SPIDR: variants seen among roughly 807,000 people sequenced by gnomAD.
The protein encoded by SPIDR is scaffold protein involved in DNA repair.
SPIDR carries 93 observed loss-of-function variants against 104.6 expected under a neutral mutation model. The ratio of observed to expected loss-of-function variants is 0.89; its 90% CI spans 0.75 to 1.06. SPIDR has a LOEUF of 1.06. SPIDR is among the 50% of genes least tolerant of loss of function. SPIDR has a pLI of 0.00. For missense variants in SPIDR, 1,154 were observed against 1,111.2 expected (o/e 1.04, Z -0.55); for synonymous variants, 431 against 416.9 (o/e 1.03, Z -0.41).
At chr8:47,484,979 T>G (rs1323495131) in intron 8 of SPIDR, among the ~76,000 whole-genome samples, 1 of 152,172 alleles carries the variant, frequency 6.6e-6, no homozygotes, top group Non-Finnish European at 1.5e-5. Flanking sequence ...TCATCTCACT[T>G]GGGCTTGTCG....
intron 8 of SPIDR, chr8:47,547,328 C>T: frequency 1.9e-6 from 1 of 521,530 alleles, no homozygotes. Flanking sequence ...ATGCCCATGA[C>T]ATCTATGAAT....
intron 8 of SPIDR, among the ~76,000 whole-genome samples, chr8:47,582,326 T>C (rs554583131): frequency 1.3e-5 from 2 of 152,280 alleles, no homozygotes; most frequent in South Asian, 2.1e-4. Flanking sequence ...CTTGATTTAA[T>C]TTGTTGCTAA....
chr8:47,484,965 G>A (rs532638969), intron 8 of SPIDR, among the ~76,000 whole-genome samples: 3 of 152,268 alleles, frequency 2.0e-5, no homozygotes, highest in South Asian at 2.1e-4. Flanking sequence ...CTGAGGTTCC[G>A]GGTTCATCTC....
At chr8:47,294,233 C>A in intron 5 of SPIDR, 2 of 551,944 alleles carry the variant, frequency 3.6e-6, no homozygotes, top group Non-Finnish European at 5.8e-6. Context: ...ATATTGATCT[C>A]ACTTCTCTTT....
intron 5 of SPIDR, among the ~76,000 whole-genome samples, chr8:47,295,732 A>T (rs1243379398): frequency 6.6e-6 from 1 of 152,156 alleles, no homozygotes; most frequent in Non-Finnish European, 1.5e-5. Context: ...AATCTTAGCT[A>T]TTGTGAATAG....
At chr8:47,463,407 G>T (rs1016478959) in intron 8 of SPIDR, among the ~76,000 whole-genome samples, 3 of 151,160 alleles carry the variant, frequency 2.0e-5, no homozygotes, top group Non-Finnish European at 4.4e-5. Context: ...AGAAAGACTC[G>T]CTATCAGATG....
At chr8:47,661,084 G>T (rs2074038804) in intron 10 of SPIDR, 1 of 429,542 alleles carries the variant, frequency 2.3e-6, no homozygotes, top group Non-Finnish European at 3.1e-6. Flanking sequence ...AGTCATGAAA[G>T]TGGGGGTTAT....
Position 47,640,130 on chromosome 8 carries a change from G to T in SPIDR, c.1545-33671G>T, listed in dbSNP as rs1025969783. Among the ~76,000 whole-genome samples the T allele has an allele frequency of 3.3e-5, 5 of 152,308 alleles. No homozygotes were observed. The South Asian group carries it at 1.0e-3, about 32-fold the overall frequency. ...CCAGCTTTCGAACCACTTAGTGTGG[G>T]CTGCAAGCTGAATCAACACACTGGA... On this transcript the variant is annotated intron_variant, in intron 10 of 19. Coordinates refer to ENST00000297423, the MANE Select transcript of SPIDR (RefSeq NM_001080394.4).
chr8:47,435,401 T>C (rs1175805532), intron 7 of SPIDR, among the ~76,000 whole-genome samples: 1 of 152,178 alleles, frequency 6.6e-6, no homozygotes, highest in African/African-American at 2.4e-5. Flanking sequence ...AGCAGTTAGC[T>C]GATTAAATAA....
At chr8:47,538,217 GAGA>G (rs1299040258) in intron 8 of SPIDR, among the ~76,000 whole-genome samples, 3 of 152,028 alleles carry the variant, frequency 2.0e-5, no homozygotes, top group African/African-American at 7.2e-5. Flanking sequence ...AGAGGTTGCT[GAGA>G]AGATTAACTT....
chr8:47,557,644 C>A (rs1018357065), intron 8 of SPIDR, among the ~76,000 whole-genome samples: 3 of 152,148 alleles, frequency 2.0e-5, no homozygotes, highest in African/African-American at 7.2e-5. Flanking sequence ...TCCTACACAG[C>A]CTGAAGACCA....
intron 5 of SPIDR, among the ~76,000 whole-genome samples, chr8:47,317,163 A>G (rs2045532687): frequency 6.6e-6 from 1 of 152,168 alleles, no homozygotes; most frequent in Non-Finnish European, 1.5e-5. Context: ...GCATCACCTC[A>G]CCCAGGAAGC....
At chr8:47,322,940 G>A (rs372812756) in intron 5 of SPIDR, among the ~76,000 whole-genome samples, 11 of 152,154 alleles carry the variant, frequency 7.2e-5, no homozygotes, top group African/African-American at 2.4e-4. Flanking sequence ...GCCTGTTGTC[G>A]GGTGGGGGCA....
intron 5 of SPIDR, among the ~76,000 whole-genome samples, chr8:47,385,937 C>G (rs1414217163): frequency 6.6e-6 from 1 of 152,162 alleles, no homozygotes; most frequent in South Asian, 2.1e-4. Context: ...CTAGAAAAAC[C>G]TTTCTCCAGT....
intron 5 of SPIDR, among the ~76,000 whole-genome samples, chr8:47,379,615 A>G (rs2059085471): frequency 6.6e-6 from 1 of 152,206 alleles, no homozygotes; most frequent in African/African-American, 2.4e-5. Context: ...AGGTACAGTG[A>G]AACACTGGTT....
intron 10 of SPIDR, among the ~76,000 whole-genome samples, chr8:47,614,885 C>G (rs752087675): frequency 2.6e-5 from 4 of 152,068 alleles, no homozygotes; most frequent in African/African-American, 4.8e-5. Context: ...TTTTAATAAT[C>G]ACCATCCTGA....
intron 10 of SPIDR, among the ~76,000 whole-genome samples, chr8:47,668,237 TG>T (rs1280975673): frequency 2.0e-5 from 3 of 152,106 alleles, no homozygotes; most frequent in African/African-American, 7.2e-5. Flanking sequence ...TGATACCAAA[TG>T]TAGTATGAAA....
chr8:47,344,059 G>C (rs566132697), intron 5 of SPIDR, among the ~76,000 whole-genome samples: 10 of 151,738 alleles, frequency 6.6e-5, no homozygotes, highest in Non-Finnish European at 1.2e-4. Context: ...ATGTTGGTGT[G>C]CTGCACCCAT....
rs1315690798 is a variant in SPIDR, at chr8:47,574,936, A to G, written c.1098-20875A>G. Among the ~76,000 whole-genome samples the G allele has an allele frequency of 3.3e-5, 5 of 152,306 alleles. No individual in the cohort carries two copies. The East Asian group carries it at 7.7e-4, about 24-fold the overall frequency. ...GATGATCTGAATCTATTTACAGATT[A>G]TTATTCATGTGAATAATTACTATGA... On this transcript the variant is annotated intron_variant, in intron 8 of 19. Transcript: ENST00000297423.
Sources: gnomAD v4.1 joint callset for allele counts (sites outside exome capture counted in the v4.1 genomes callset) on GRCh38, gnomAD v4.1.1 for gene constraint, MANE v1.5 for transcripts, NCBI Gene and HGNC (gene_info 2026-07-23, HGNC 2026-07-21) for gene names.